The following STARD9 variants were observed in gnomAD, a reference collection of about 807,000 sequenced individuals.
STARD9 encodes stAR-related lipid transfer protein 9.
Under a neutral mutation model 399.8 loss-of-function variants are expected in STARD9, and 346 were observed. The ratio of observed to expected loss-of-function variants is 0.87; its 90% CI spans 0.79 to 0.95. The LOEUF is 0.95. Among genes scored for constraint, STARD9 ranks in the 40% least tolerant of loss-of-function variants. STARD9 has a pLI of 0.00. For synonymous variants in STARD9, 2,203 were observed against 2,143.5 expected (o/e 1.03, Z -0.77); for missense variants, 5,832 against 5,667.5 (o/e 1.03, Z -0.93).
chr15:42,701,106 A>G (rs777421083), intron 26 of STARD9, among the ~76,000 whole-genome samples: 1 of 152,032 alleles, frequency 6.6e-6, no homozygotes, highest in Non-Finnish European at 1.5e-5. Flanking sequence ...CTGTTCCTTT[A>G]GTCTGTGTGT....
chr15:42,653,624 A>T (rs939920495), intron 9 of STARD9, among the ~76,000 whole-genome samples: 1 of 152,040 alleles, frequency 6.6e-6, no homozygotes. Flanking sequence ...CTGAGATAAT[A>T]TAAAAAACTG....
rs927422098 is a variant in STARD9, at chr15:42,669,316, T to A, written c.1476T>A (p.Gly492=). 7.2e-6 allele frequency: 11 copies of A among 1,524,482 alleles called. No individual in the cohort carries two copies. In the African/African-American group the frequency reaches 1.2e-4, roughly 17 times the overall value. 94.4% of individuals were successfully genotyped at this position (1,524,482 alleles called of 1,614,324 possible). Residue 492 remains glycine, a synonymous_variant, in exon 16 of 33, where the codon GGT becomes GGA. Coordinates refer to ENST00000290607, the MANE Select transcript of STARD9 (RefSeq NM_020759.3). The part of the protein sequence containing the change: ...MALEDDVLST[G]VVLYHLKEGT... Reference sequence around the variant, plus strand: ...TGGAGGATGATGTGCTCAGCACAGGTGTTGTGCTCTATCATCTCAAGGTGA... The same window carrying A: ...TGGAGGATGATGTGCTCAGCACAGGAGTTGTGCTCTATCATCTCAAGGTGA...
intron 7 of STARD9, among the ~76,000 whole-genome samples, chr15:42,639,899 C>T (rs908859509): frequency 6.6e-6 from 1 of 152,044 alleles, no homozygotes; most frequent in African/African-American, 2.4e-5. Flanking sequence ...TTTTATGTTC[C>T]TGTAGCAGTA....
At chr15:42,673,940 A>T (rs143152610) in intron 16 of STARD9, 1 of 456,486 alleles carries the variant, frequency 2.2e-6, no homozygotes, top group African/African-American at 2.0e-5. Flanking sequence ...GGTGTCTGTT[A>T]AACTTCATCT....
chr15:42,617,417 CA>C (rs1241240629), intron 3 of STARD9, among the ~76,000 whole-genome samples: 8 of 152,150 alleles, frequency 5.3e-5, no homozygotes, highest in Non-Finnish European at 1.0e-4. Context: ...GGCTGGAGTA[CA>C]GTGGCACGAT....
chr15:42,664,929 G>T (rs1319322087), intron 13 of STARD9, among the ~76,000 whole-genome samples: 12 of 152,058 alleles, frequency 7.9e-5, no homozygotes, highest in Non-Finnish European at 7.4e-5. Flanking sequence ...CCTGGCTTTT[G>T]TGTTACCTGC....
intron 26 of STARD9, among the ~76,000 whole-genome samples, chr15:42,715,224 C>T (rs535665799): frequency 2.6e-5 from 4 of 152,290 alleles, no homozygotes; most frequent in South Asian, 4.1e-4. Context: ...TCCAGCCACA[C>T]GGACACCGTG....
At position 42,575,661 on chromosome 15, in the gene STARD9, G is replaced by A; in HGVS notation, c.-55G>A. 2 of 1,527,472 alleles carry A rather than the reference G, an allele frequency of 1.3e-6. No individual in the cohort carries two copies. Among genetic ancestry groups the A allele is most frequent in the Non-Finnish European group, 1.8e-6 (2 of 1,139,914 alleles). 94.6% of individuals were successfully genotyped at this position (1,527,472 alleles called of 1,614,324 possible). ...GGGGCTGTGTCTGGGCTTAGGGCGG[G>A]GGCCTGGGATGCTGCCGCTGAGCTG... On this transcript the variant is annotated 5_prime_UTR_variant, in exon 1 of 33. Transcript: ENST00000290607.
Position 42,693,164 on chromosome 15 carries a change from C to G in STARD9, c.11586C>G (p.Ser3862Arg). Residue 3862 changes from serine (S) to arginine (R), a missense_variant, in exon 23 of 33, where the codon AGC (serine) becomes AGG (arginine). By Grantham distance (110) the Ser-to-Arg change is moderately radical. This residue lies in a region of STARD9 where 5,828 missense variants were observed against 5,651.1 expected (regional missense o/e 1.03). Coordinates refer to ENST00000290607, the MANE Select transcript of STARD9 (RefSeq NM_020759.3). ...TAGTTGTCAGCAGTCCCAGTCCCAG[C>G]TCCCCTCATTCCCCAGGGCTCTTTC... ...YCLVVSSPSPSSPHSPGLFPS... is the reference protein window; with the variant it reads ...YCLVVSSPSPRSPHSPGLFPS... The G allele has an allele frequency of 6.5e-7, 1 of 1,537,200 alleles. No homozygotes were observed. The highest frequency in any genetic ancestry group is 1.7e-4 in the Middle Eastern group (1 of 5,990).
At position 42,684,112 on chromosome 15, in the gene STARD9, A is replaced by ACTTAGGAAAATCC. The variant is rs758717108; in HGVS notation, c.2538-3_2538-2insTTAGGAAAATCCC. ...TTCTGAGATAGCTTTCCTTGTCTTC[A>ACTTAGGAAAATCC]CAGCATTTTCCTAAGTTGGGATCCC... is the stretch of plus-strand genomic sequence containing the variant. On this transcript the variant is annotated splice_region_variant and splice_polypyrimidine_tract_variant and intron_variant, in intron 22 of 32. Transcript: ENST00000290607. 17 of 1,521,274 alleles carry ACTTAGGAAAATCC rather than the reference A, an allele frequency of 1.1e-5. No individual in the cohort carries two copies. In the South Asian group the frequency reaches 2.1e-4, roughly 18 times the overall value. 94.2% of individuals were successfully genotyped at this position (1,521,274 alleles called of 1,614,324 possible).
intron 9 of STARD9, among the ~76,000 whole-genome samples, chr15:42,659,988 G>T (rs2140083556): frequency 6.6e-6 from 1 of 152,272 alleles, no homozygotes; most frequent in South Asian, 2.1e-4. Context: ...AAGGCAAATG[G>T]ATAACTGTGG....
intron 26 of STARD9, among the ~76,000 whole-genome samples, chr15:42,708,034 TCC>T (rs1295155857): frequency 1.3e-5 from 2 of 150,280 alleles, no homozygotes; most frequent in African/African-American, 4.9e-5. Context: ...ACACCTGTAG[TCC>T]TAGCTACTCA....
Position 42,716,677 on chromosome 15 carries a change from G to T in STARD9, c.13285G>T (p.Gly4429Trp). ...GTCCTGAGTATCCTCTCTTCTGCAG[G>T]GGCATACAAACTTGCCTGATTCCAG... is the stretch of plus-strand genomic sequence containing the variant. Reference protein sequence around the residue: ...SGQLQFPENMGHTNLPDSRDV... With the variant: ...SGQLQFPENMWHTNLPDSRDV... The change falls in exon 27 of 33, where the codon GGG becomes TGG. Residue 4429 changes from glycine to tryptophan, a missense_variant and splice_region_variant. Around this residue, in one of 2 missense-constraint regions of STARD9, gnomAD observed 5,828 missense variants for 5,651.1 expected, o/e 1.03. Transcript: ENST00000290607. The T allele has an allele frequency of 6.5e-7, 1 of 1,530,024 alleles. No homozygotes were observed. The highest frequency in any genetic ancestry group is 8.8e-7 in the Non-Finnish European group (1 of 1,140,454). The allele number at this position is 1,530,024 out of a possible 1,614,324, so 94.8% of individuals were successfully genotyped here.
At chr15:42,719,253 C>T (rs1329540873) in intron 32 of STARD9, among the ~76,000 whole-genome samples, 2 of 152,254 alleles carry the variant, frequency 1.3e-5, no homozygotes, top group African/African-American at 4.8e-5. Flanking sequence ...CTGTTGGGTT[C>T]ACCTCTCCCG....
intron 4 of STARD9, among the ~76,000 whole-genome samples, chr15:42,636,108 G>A (rs1418532912): frequency 6.6e-6 from 1 of 152,110 alleles, no homozygotes; most frequent in African/African-American, 2.4e-5. Flanking sequence ...AACAGTCTAG[G>A]CAACATAGGG....
chr15:42,695,020 C>A, intron 24 of STARD9, 120 bp from the exon 25 acceptor site: 2 of 903,246 alleles, frequency 2.2e-6, no homozygotes, highest in Non-Finnish European at 3.3e-6. Context: ...CTTTAAAACC[C>A]TGTGGGCAAA....
chr15:42,577,594 G>C (rs2058084575), intron 1 of STARD9, among the ~76,000 whole-genome samples: 1 of 152,218 alleles, frequency 6.6e-6, no homozygotes, highest in Non-Finnish European at 1.5e-5. Flanking sequence ...TTCAGCTCAA[G>C]TTAAGAGCCT....
Position 42,717,986 on chromosome 15 carries a change from T to G in STARD9, c.13569T>G (p.Gly4523=). The G allele has an allele frequency of 1.3e-6, 2 of 1,537,088 alleles. No homozygotes were observed. Among genetic ancestry groups the G allele is most frequent in the Non-Finnish European group, 1.7e-6 (2 of 1,146,886 alleles). The part of the protein sequence containing the change: ...CQATAGWNYQ[G]EEQAVQLYYK... ...TGGTGTCTCCCCCCAGCTATCAGGG[T>G]GAGGAGCAGGCGGTGCAGCTTTACT... Residue 4523 remains glycine (G), a synonymous_variant, in exon 30 of 33, where the codon GGT becomes GGG. Coordinates refer to ENST00000290607, the MANE Select transcript of STARD9 (RefSeq NM_020759.3).
Position 42,682,209 on chromosome 15 carries a change from A to T in STARD9, c.2171A>T (p.Asp724Val). The T allele has an allele frequency of 6.5e-7, 1 of 1,537,252 alleles. No individual in the cohort carries two copies. Among genetic ancestry groups the T allele is most frequent in the Non-Finnish European group, 8.7e-7 (1 of 1,146,900 alleles). ...GAACTTGAGGCATCTGTGGCACTTG[A>T]TGCTTGGCTTCAGACAGATCCTGAG... ...EKELEASVAL[D>V]AWLQTDPEIQ... Residue 724 changes from aspartate (D) to valine (V), a missense_variant, in exon 22 of 33, where the codon GAT (aspartate) becomes GTT (valine). Asp to Val is a radical substitution (Grantham distance 152). Coordinates refer to ENST00000290607, the MANE Select transcript of STARD9 (RefSeq NM_020759.3).
Sources: allele counts gnomAD v4.1 joint callset (sites outside exome capture counted in the v4.1 genomes callset), GRCh38; gene constraint gnomAD v4.1.1; regional missense constraint gnomAD v4.1.1; transcripts MANE v1.5; gene names NCBI Gene and HGNC (gene_info 2026-07-23, HGNC 2026-07-21).